Variants in SYT16 observed in about 807,000 individuals in gnomAD.
SYT16 encodes synaptotagmin 16.
SYT16 carries 42 observed loss-of-function variants against 61.4 expected under a neutral mutation model. The observed-to-expected ratio is 0.68, with a 90% CI of 0.53 to 0.89. The LOEUF (loss-of-function observed/expected upper bound fraction) is 0.89. Ranked by LOEUF, SYT16 falls within the 40% of genes least tolerant of loss-of-function variation. The pLI is 0.00. For synonymous variants in SYT16, 314 were observed against 302.3 expected (o/e 1.04, Z -0.40); for missense variants, 804 against 807.3 (o/e 1.00, Z 0.05).
chr14:62,000,410 T>C (rs1235758388), intron 3 of SYT16, among the ~76,000 whole-genome samples: 1 of 151,916 alleles, frequency 6.6e-6, no homozygotes, highest in Non-Finnish European at 1.5e-5. Context: ...AGTGTTGACA[T>C]GATATATTCT....
At position 62,101,691 on chromosome 14, in the gene SYT16, A is replaced by G. The variant is rs2057422329; in HGVS notation, c.*984A>G. On this transcript the variant is annotated 3_prime_UTR_variant, in exon 8 of 8. Coordinates refer to ENST00000683842, the MANE Select transcript of SYT16 (RefSeq NM_001367656.1). ...TGTACACAGTGAGTCCTTAATAAAT[A>G]TTGATTTGATTGACTCTTCAAAGTG... is the stretch of plus-strand genomic sequence containing the variant. 6.6e-6 allele frequency: 1 copy of G among 152,210 alleles called. No homozygotes were observed. The highest frequency in any genetic ancestry group is 1.5e-5 in the Non-Finnish European group (1 of 68,048). The allele number at this position is 152,210 out of a possible 1,614,324, so 9.4% of individuals were successfully genotyped here. A position where few individuals can be genotyped will look rare whatever the true frequency, so the allele number is the denominator to read the frequency against.
Position 61,879,181 on chromosome 14 carries a change from C to T in SYT16, c.-325+66371C>T, listed in dbSNP as rs541681925. Among the ~76,000 whole-genome samples, 35 of 152,168 alleles carry T rather than the reference C, an allele frequency of 2.3e-4. 1 individual carries two copies. Among genetic ancestry groups the T allele is most frequent in the East Asian group, 2.1e-3 (11 of 5,162 alleles). On this transcript the variant is annotated intron_variant, in intron 1 of 7. Transcript: ENST00000683842. Reference sequence around the variant, plus strand: ...GCCAGCCATATCCCAGCTTGGAATACGACCAAAGCAGCCAGGACAACTGTG... The same window carrying T: ...GCCAGCCATATCCCAGCTTGGAATATGACCAAAGCAGCCAGGACAACTGTG...
chr14:61,948,498 T>C (rs535576176), intron 1 of SYT16, among the ~76,000 whole-genome samples: 1 of 151,856 alleles, frequency 6.6e-6, no homozygotes, highest in Admixed American at 6.6e-5. Flanking sequence ...CTCAGAATGG[T>C]AAGGGTCTGA....
rs138094299 is a variant in SYT16 at position 61,927,417 on chromosome 14, A to T, written c.-324-42715A>T. Among the ~76,000 whole-genome samples, 1,325 of 152,334 alleles carry T rather than the reference A, an allele frequency of 8.7e-3. 9 individuals carry two copies. Among genetic ancestry groups the T allele is most frequent in the Middle Eastern group, 0.031 (9 of 294 alleles). ...GAAAGCACTTTTTTTATTAACCAAA[A>T]TATTTATGGCCAGAGTCTGAGTTTA... On this transcript the variant is annotated intron_variant, in intron 1 of 7. Coordinates refer to ENST00000683842, the MANE Select transcript of SYT16 (RefSeq NM_001367656.1).
Position 61,856,455 on chromosome 14 carries a change from T to C in SYT16, c.-325+43645T>C, listed in dbSNP as rs546598772. On this transcript the variant is annotated intron_variant, in intron 1 of 7. Transcript: ENST00000683842. ...TAATACATACATACTATTTTGAGGA[T>C]AGAACAGACAGGATTTGCAGACAGA... Among the ~76,000 whole-genome samples the C allele has an allele frequency of 2.6e-5, 4 of 152,246 alleles. No individual in the cohort carries two copies. In the South Asian group the frequency reaches 6.2e-4, roughly 24 times the overall value.
chr14:61,816,875 G>A (rs2045447673), intron 1 of SYT16, among the ~76,000 whole-genome samples: 1 of 151,920 alleles, frequency 6.6e-6, no homozygotes, highest in Non-Finnish European at 1.5e-5. Flanking sequence ...GCCGGGCGTG[G>A]TGGCGGGCGC....
chr14:62,074,143 G>A (rs2056397793), intron 4 of SYT16, among the ~76,000 whole-genome samples: 1 of 152,172 alleles, frequency 6.6e-6, no homozygotes, highest in Non-Finnish European at 1.5e-5. Context: ...AATAGTGGGG[G>A]CAGCTATTTC....
At chr14:61,814,501 C>T (rs977744795) in intron 1 of SYT16, among the ~76,000 whole-genome samples, 1 of 152,196 alleles carries the variant, frequency 6.6e-6, no homozygotes, top group African/African-American at 2.4e-5. Flanking sequence ...ATTTAGTACC[C>T]TAGAAAAATA....
At chr14:61,902,339 C>T (rs1486979249) in intron 1 of SYT16, among the ~76,000 whole-genome samples, 1 of 152,204 alleles carries the variant, frequency 6.6e-6, no homozygotes, top group Non-Finnish European at 1.5e-5. Flanking sequence ...CTCCCATGCG[C>T]CTGATAAAAG....
intron 1 of SYT16, among the ~76,000 whole-genome samples, chr14:61,964,515 CT>C (rs1372300778): frequency 1.3e-5 from 2 of 152,110 alleles, no homozygotes; most frequent in African/African-American, 4.8e-5. Flanking sequence ...GAAAAGTGGC[CT>C]TCCTATAGAT....
At chr14:61,912,360 A>C (rs915289365) in intron 1 of SYT16, among the ~76,000 whole-genome samples, 3 of 152,212 alleles carry the variant, frequency 2.0e-5, no homozygotes, top group African/African-American at 4.8e-5. Context: ...CGTTTCACAC[A>C]AATGTGACAT....
chr14:61,976,893 G>A lies in SYT16; in HGVS notation c.-145+6582G>A, dbSNP rs144080750. 3.9e-3 allele frequency among the ~76,000 whole-genome samples: 588 copies of A among 151,794 alleles called. 1 individual carries two copies. Among genetic ancestry groups the A allele is most frequent in the Middle Eastern group, 0.017 (5 of 292 alleles). ...AATGTTTTTTTTTTTCTATTGCATA[G>A]TCAGGATGCACATTTTCCAAGCTCA... On this transcript the variant is annotated intron_variant, in intron 2 of 7. Transcript: ENST00000683842.
At chr14:62,007,732 C>T (rs1393375835) in intron 3 of SYT16, among the ~76,000 whole-genome samples, 1 of 152,006 alleles carries the variant, frequency 6.6e-6, no homozygotes, top group African/African-American at 2.4e-5. Flanking sequence ...AATACTGGAA[C>T]ATTTTGAAGG....
chr14:61,955,814 GATTGCTGGGTCAAGTGGTA>G (rs2050852269), intron 1 of SYT16, among the ~76,000 whole-genome samples: 1 of 152,008 alleles, frequency 6.6e-6, no homozygotes, highest in Non-Finnish European at 1.5e-5. Context: ...GTACAAGCTA[GATTGCTGGGTCAAGTGGTA>G]ATTCTATGGT....
intron 1 of SYT16, among the ~76,000 whole-genome samples, chr14:61,858,999 C>T (rs1001954405): frequency 4.3e-4 from 65 of 149,874 alleles, no homozygotes; most frequent in South Asian, 1.9e-3. Context: ...GGACTACAGG[C>T]GCCCACCACT....
At chr14:61,960,849 A>G (rs2051089512) in intron 1 of SYT16, among the ~76,000 whole-genome samples, 1 of 152,094 alleles carries the variant, frequency 6.6e-6, no homozygotes, top group Non-Finnish European at 1.5e-5. Context: ...GAGGCATCAC[A>G]TTACTTGATT....
intron 1 of SYT16, among the ~76,000 whole-genome samples, chr14:61,954,649 G>C (rs1294832985): frequency 6.6e-6 from 1 of 152,048 alleles, no homozygotes; most frequent in Admixed American, 6.6e-5. Flanking sequence ...TATATATACT[G>C]CTTTTCTTCA....
In SYT16 at chr14:62,104,958, GTCT is replaced by G. The variant is rs1209265523; in HGVS notation, c.*4256_*4258del. 4 of 152,132 alleles carry G rather than the reference GTCT, an allele frequency of 2.6e-5. No individual in the cohort carries two copies. Among genetic ancestry groups the G allele is most frequent in the Admixed American group, 2.0e-4 (3 of 15,270 alleles). 9.4% of individuals were successfully genotyped at this position (152,132 alleles called of 1,614,324 possible). On this transcript the variant is annotated 3_prime_UTR_variant, in exon 8 of 8. Transcript: ENST00000683842. ...CTGAAAAAGAAAATATTTAAGATGT[GTCT>G]TCTTTTTCTAGCAAATGTTATTATA... is the stretch of plus-strand genomic sequence containing the variant.
At chr14:61,812,693 C>A (rs1358840364), upstream of SYT16, 1 of 146,802 alleles carries the variant, frequency 6.8e-6, no homozygotes, top group African/African-American at 2.5e-5. Context: ...CTGTGCGCGG[C>A]GCGGCCCCCG....
Sources: gnomAD v4.1 joint callset for allele counts (sites outside exome capture counted in the v4.1 genomes callset) on GRCh38, gnomAD v4.1.1 for gene constraint, MANE v1.5 for transcripts, NCBI Gene and HGNC (gene_info 2026-07-23, HGNC 2026-07-21) for gene names.